The following ADAMTS20 variants were observed in gnomAD, a reference collection of about 807,000 sequenced individuals.
The protein encoded by ADAMTS20 is ADAM metallopeptidase with thrombospondin type 1 motif 20.
Under a neutral mutation model 260.1 loss-of-function variants are expected in ADAMTS20, and 225 were observed. The observed-to-expected ratio is 0.87, with a 90% CI of 0.78 to 0.97. The LOEUF is 0.97. Ranked by LOEUF, ADAMTS20 falls within the 50% of genes least tolerant of loss-of-function variation. The pLI, the probability that ADAMTS20 is intolerant of heterozygous loss-of-function variation, is 0.00. For missense variants in ADAMTS20, 2,400 were observed against 2,337.7 expected (o/e 1.03, Z -0.55); for synonymous variants, 802 against 769.5 (o/e 1.04, Z -0.70).
At chr12:43,504,932 C>A (rs1021728988) in intron 3 of ADAMTS20, among the ~76,000 whole-genome samples, 1 of 152,146 alleles carries the variant, frequency 6.6e-6, no homozygotes, top group Non-Finnish European at 1.5e-5. Flanking sequence ...ATTAGACATG[C>A]ATCTACCCTA....
intron 37 of ADAMTS20, among the ~76,000 whole-genome samples, chr12:43,361,831 T>C (rs1415231905): frequency 6.6e-6 from 1 of 152,180 alleles, no homozygotes; most frequent in Non-Finnish European, 1.5e-5. Context: ...ATAAGAAAAT[T>C]CATTAATAAA....
intron 31 of ADAMTS20, among the ~76,000 whole-genome samples, chr12:43,380,074 A>C (rs1310515952): frequency 6.6e-6 from 1 of 152,198 alleles, no homozygotes; most frequent in Non-Finnish European, 1.5e-5. Context: ...CCAGCAACAC[A>C]TAAAAAGGAT....
At chr12:43,391,388 T>G (rs1445555105) in intron 29 of ADAMTS20, among the ~76,000 whole-genome samples, 1 of 152,194 alleles carries the variant, frequency 6.6e-6, no homozygotes, top group Non-Finnish European at 1.5e-5. Flanking sequence ...CTGTTCTTTT[T>G]TACTCCAGAC....
At chr12:43,426,421 C>A (rs1025686471) in intron 27 of ADAMTS20, among the ~76,000 whole-genome samples, 2 of 152,150 alleles carry the variant, frequency 1.3e-5, no homozygotes, top group African/African-American at 4.8e-5. Flanking sequence ...AACATGGTTT[C>A]AAACTCCCAA....
At chr12:43,456,458 T>G (rs1444811111) in intron 11 of ADAMTS20, among the ~76,000 whole-genome samples, 1 of 152,178 alleles carries the variant, frequency 6.6e-6, no homozygotes, top group African/African-American at 2.4e-5. Context: ...TTTAACTCCC[T>G]GTCTATTCTC....
rs755484027 is a variant in ADAMTS20 at position 43,466,693 on chromosome 12, G to A, written c.1326C>T (p.Ser442=). The change falls in exon 9 of 39, where the codon AGC becomes AGT. Residue 442 remains serine (S), a synonymous_variant. Transcript: ENST00000389420. ...CATATTTCCGACTACAGTTTGACCA[G>A]CTCCAAGGACTCATGTGAAAACTTA... The part of the protein sequence containing the change: ...PALSFHMSPW[S]WSNCSRKYVT... 1 of 1,611,174 alleles carries A rather than the reference G, an allele frequency of 6.2e-7. No individual in the cohort carries two copies. The highest frequency in any genetic ancestry group is 1.7e-5 in the Admixed American group (1 of 59,812).
At chr12:43,444,867 C>A (rs1592072491) in intron 15 of ADAMTS20, among the ~76,000 whole-genome samples, 2 of 152,146 alleles carry the variant, frequency 1.3e-5, no homozygotes, top group South Asian at 4.1e-4. Flanking sequence ...GTCAGACTAT[C>A]TTGCATGTGT....
chr12:43,417,162 T>C (rs1358155936), intron 28 of ADAMTS20, among the ~76,000 whole-genome samples: 2 of 152,198 alleles, frequency 1.3e-5, no homozygotes, highest in East Asian at 3.9e-4. Context: ...AATGGTAACA[T>C]GCAATTCTGG....
chr12:43,479,813 GA>G (rs1456000996), intron 7 of ADAMTS20, among the ~76,000 whole-genome samples: 2 of 151,920 alleles, frequency 1.3e-5, no homozygotes, highest in African/African-American at 4.8e-5. Context: ...AAAGCTACAA[GA>G]AAGACAACAA....
At chr12:43,479,310 G>C (rs1034737112) in intron 7 of ADAMTS20, among the ~76,000 whole-genome samples, 3 of 152,102 alleles carry the variant, frequency 2.0e-5, no homozygotes, top group African/African-American at 7.2e-5. Flanking sequence ...AATGTAATTA[G>C]TAAATAAATA....
intron 3 of ADAMTS20, among the ~76,000 whole-genome samples, chr12:43,518,434 T>G (rs1232058334): frequency 6.6e-6 from 1 of 152,122 alleles, no homozygotes; most frequent in Non-Finnish European, 1.5e-5. Flanking sequence ...TAGAATGTCC[T>G]TGACCTCTAC....
intron 31 of ADAMTS20, among the ~76,000 whole-genome samples, chr12:43,381,664 G>A (rs766361626): frequency 1.8e-4 from 26 of 148,128 alleles, no homozygotes; most frequent in African/African-American, 4.5e-4. Flanking sequence ...GGCTGTAGTC[G>A]CAGCTACTCA....
chr12:43,430,298 A>G (rs1052994298), intron 23 of ADAMTS20, 54 bp downstream of exon 23: 5 of 1,552,324 alleles, frequency 3.2e-6, no homozygotes, highest in Non-Finnish European at 4.4e-6. Context: ...TTAACACATC[A>G]ATAATCTTTC....
At chr12:43,528,348 CAAAAAAAAAA>C (rs58281767) in intron 3 of ADAMTS20, among the ~76,000 whole-genome samples, 12 of 29,056 alleles carry the variant, frequency 4.1e-4, no homozygotes, top group African/African-American at 4.6e-4. Flanking sequence ...CAATCCTAAG[CAAAAAAAAAA>C]AAAAAAAAAA....
chr12:43,402,857 C>T (rs571481986), intron 28 of ADAMTS20, among the ~76,000 whole-genome samples: 1 of 151,404 alleles, frequency 6.6e-6, no homozygotes, highest in East Asian at 1.9e-4. Context: ...TTGACATAGT[C>T]TTAAACTGTT....
chr12:43,390,689 A>G lies in ADAMTS20; in HGVS notation c.4453-6712T>C, dbSNP rs554262031. On this transcript the variant is annotated intron_variant, in intron 29 of 38. Transcript: ENST00000389420. ...ATGGACTTTCCTACACTGTCCAATA[A>G]CAATTTCTATCTGAGACTTCATGGC... 7.9e-5 allele frequency among the ~76,000 whole-genome samples: 12 copies of G among 152,336 alleles called. No individual in the cohort carries two copies. The East Asian group carries it at 2.3e-3, about 29-fold the overall frequency.
At position 43,492,542 on chromosome 12, in the gene ADAMTS20, G is replaced by A; in HGVS notation, c.1039C>T (p.His347Tyr). ...QQTQNDLDDVHPSHHDTAVLI... is the reference protein window; with the variant it reads ...QQTQNDLDDVYPSHHDTAVLI... ...ACAGCAGTGTCATGGTGGGAAGGGT[G>A]AACATCATCAAGGTCATTCTGAGTT... Residue 347 changes from histidine to tyrosine, a missense_variant, in exon 6 of 39, where the codon CAC (histidine) becomes TAC (tyrosine). His to Tyr is a moderately conservative substitution (Grantham distance 83). Transcript: ENST00000389420. The A allele has an allele frequency of 6.2e-7, 1 of 1,613,828 alleles. No homozygotes were observed. The highest frequency in any genetic ancestry group is 1.1e-5 in the South Asian group (1 of 91,062).
intron 36 of ADAMTS20, 104 bp from the exon 37 acceptor site, chr12:43,369,485 A>T: frequency 2.3e-6 from 1 of 437,910 alleles, no homozygotes; most frequent in Non-Finnish European, 3.6e-6. Context: ...ATACATATTT[A>T]TATATTAATT....
chr12:43,433,703 AACACAC>A (rs56226241), intron 19 of ADAMTS20: 63,543 of 352,848 alleles, frequency 0.18, 4,035 homozygotes, highest in African/African-American at 0.37. Context: ...TGCACACACA[AACACAC>A]ACACACACAC....
Sources: gnomAD v4.1 joint callset for allele counts (sites outside exome capture counted in the v4.1 genomes callset) on GRCh38, gnomAD v4.1.1 for gene constraint, MANE v1.5 for transcripts, NCBI Gene and HGNC (gene_info 2026-07-23, HGNC 2026-07-21) for gene names.